The following PPCS variants were observed in gnomAD, a reference collection of about 807,000 sequenced individuals.
PPCS encodes phosphopantothenate--cysteine ligase.
Under a neutral mutation model 24.6 loss-of-function variants are expected in PPCS, and 17 were observed. The ratio of observed to expected loss-of-function variants is 0.69; its 90% CI spans 0.47 to 1.04. The LOEUF (loss-of-function observed/expected upper bound fraction) is 1.04. Ranked by LOEUF, PPCS falls within the 50% of genes least tolerant of loss-of-function variation. The probability of loss-of-function intolerance (pLI) is 0.00; values close to 1 mark genes in which losing one functional copy is unlikely to be tolerated. For synonymous variants in PPCS, 190 were observed against 168.3 expected, an observed-to-expected ratio of 1.13 and a Z score of -1.00; for missense variants, 360 against 402.8, an observed-to-expected ratio of 0.89 and a Z score of 0.91.
downstream of PPCS, chr1:42,463,395 G>A: frequency 6.6e-6 from 1 of 152,330 alleles, no homozygotes; most frequent in South Asian, 2.1e-4. Flanking sequence ...TTCCGACTTG[G>A]TTCTTGAGGT....
chr1:42,468,198 T>C (rs144935336), intron 2 of PPCS, among the ~76,000 whole-genome samples: 40 of 152,268 alleles, frequency 2.6e-4, no homozygotes, highest in Non-Finnish European at 5.3e-4. Flanking sequence ...AAGAAAGAAA[T>C]GTATTCCTCC....
chr1:42,473,206 T>C (rs947341113), exon 3 of PPCS: 37 of 1,231,012 alleles, frequency 3.0e-5, no homozygotes, highest in Middle Eastern at 3.1e-4. Flanking sequence ...ACAACTCTGT[T>C]TGGTGCTTAT....
At chr1:42,463,660 AG>A (rs1359664030), downstream of PPCS, 1 of 152,168 alleles carries the variant, frequency 6.6e-6, no homozygotes, top group East Asian at 1.9e-4. Context: ...TCAGCGAGGT[AG>A]GTCGGCGTTC....
chr1:42,462,573 G>T (rs1436947975), downstream of PPCS, among the ~76,000 whole-genome samples: 2 of 152,122 alleles, frequency 1.3e-5, no homozygotes, highest in Non-Finnish European at 2.9e-5. Context: ...GTTGTGTTTG[G>T]GATACCAGCA....
intron 2 of PPCS, among the ~76,000 whole-genome samples, chr1:42,468,947 A>T (rs553754999): frequency 6.6e-6 from 1 of 152,166 alleles, no homozygotes; most frequent in Non-Finnish European, 1.5e-5. Context: ...GGAGGAACCC[A>T]GGAAGCATAC....
chr1:42,459,619 T>G lies in PPCS; in HGVS notation c.629T>G (p.Val210Gly). 1.2e-6 allele frequency: 2 copies of G among 1,613,680 alleles called. No homozygotes were observed. The highest frequency in any genetic ancestry group is 1.7e-6 in the Non-Finnish European group (2 of 1,179,732). ...CCAATACAGATAACAATGAAGATGG[T>G]GCCAAAACTGCTTTCTCCTTTGGTT... is the stretch of plus-strand genomic sequence containing the variant. ...GGPLQITMKM[V>G]PKLLSPLVKD... The change falls in exon 3 of 3, where the codon GTG (valine) becomes GGG (glycine). Residue 210 changes from valine (V) to glycine (G), a missense_variant. Val to Gly is a moderately radical substitution (Grantham distance 109). Transcript: ENST00000372561.
chr1:42,456,509 A>G, upstream of PPCS: 1 of 1,429,146 alleles, frequency 7.0e-7, no homozygotes, highest in Non-Finnish European at 9.2e-7. Context: ...GGTAGGCGAG[A>G]AGGGGCGTGG....
chr1:42,459,821 G>A lies in PPCS; in HGVS notation c.831G>A (p.Lys277=). 6.2e-7 allele frequency: 1 copy of A among 1,614,184 alleles called. No individual in the cohort carries two copies. The highest frequency in any genetic ancestry group is 8.5e-7 in the Non-Finnish European group (1 of 1,180,020). Residue 277 remains lysine (K), a synonymous_variant, in exon 3 of 3, where the codon AAG becomes AAA. Coordinates refer to ENST00000372561, the MANE Select transcript of PPCS (RefSeq NM_024664.4). ...VFIVTKDSET[K]LLLSEEEIEK... is the part of the protein sequence containing the mutation. ...TTGTAACCAAAGACTCGGAAACCAA[G>A]TTATTGCTATCAGAGGAAGAAATAG...
rs114259891 is a variant in PPCS, at chr1:42,471,202, C to T, written n.378-1920C>T. 5.7e-3 allele frequency among the ~76,000 whole-genome samples: 868 copies of T among 152,152 alleles called. 2 individuals are homozygous for T. The highest frequency in any genetic ancestry group is 0.019 in the Admixed American group (285 of 15,282). On this transcript the variant is annotated intron_variant and non_coding_transcript_variant, in intron 2 of 2. Coordinates refer to the PPCS transcript ENST00000471420. ...TTGAGTATTGACCTGAAGCCTGTAC[C>T]GTCCTACTGATCAGCAAGGATCAGA...
chr1:42,456,982 G>T lies in PPCS; in HGVS notation c.417G>T (p.Ala139=). Residue 139 remains alanine, a synonymous_variant, in exon 1 of 3, where the codon GCG becomes GCT. Coordinates refer to ENST00000372561, the MANE Select transcript of PPCS (RefSeq NM_024664.4). ...CTCTGAGGAGCTACCAGGAGGCTGC[G>T]GCTGCAGGCACCTTCCTGGCAGTAG... is the stretch of plus-strand genomic sequence containing the variant. ...AEALRSYQEA[A]AAGTFLAVEF... 1 of 1,602,984 alleles carries T rather than the reference G, an allele frequency of 6.2e-7. No homozygotes were observed. Among genetic ancestry groups the T allele is most frequent in the Non-Finnish European group, 8.5e-7 (1 of 1,179,976 alleles).
chr1:42,457,399 G>T lies in PPCS; in HGVS notation c.612+49G>T, dbSNP rs560915769. 15 of 1,521,888 alleles carry T rather than the reference G, an allele frequency of 9.9e-6. No individual in the cohort carries two copies. The South Asian group carries it at 1.7e-4, about 17-fold the overall frequency. 94.3% of individuals were successfully genotyped at this position (1,521,888 alleles called of 1,614,324 possible). On this transcript the variant is annotated intron_variant, in intron 2 of 2. Coordinates refer to ENST00000372561, the MANE Select transcript of PPCS (RefSeq NM_024664.4). ...GATCTAATCCCATATAACCAATCTT[G>T]GGTTAATTTCCTCTTGATCTGGAGA...
At chr1:42,470,494 C>G (rs927336908) in intron 2 of PPCS, among the ~76,000 whole-genome samples, 1 of 152,138 alleles carries the variant, frequency 6.6e-6, no homozygotes, top group Non-Finnish European at 1.5e-5. Context: ...AACAGGGATT[C>G]AAATACTTTT....
downstream of PPCS, among the ~76,000 whole-genome samples, chr1:42,465,320 A>G (rs1215318016): frequency 1.3e-5 from 2 of 152,114 alleles, no homozygotes; most frequent in African/African-American, 4.8e-5. Flanking sequence ...CAAAAAAAAT[A>G]AATTCCTGTC....
exon 3 of PPCS, chr1:42,473,328 T>A: frequency 8.6e-7 from 1 of 1,165,124 alleles, no homozygotes; most frequent in Non-Finnish European, 1.1e-6. Flanking sequence ...CATAGAATTT[T>A]AAAGACACCT....
rs1164253511 is a variant in PPCS at position 42,460,948 on chromosome 1, C to G, written c.*1022C>G. ...CACTGCCCTGCTTAATCTTTGAATCCTTGAGAATCTTTGAAAAACTTTCAA... is the reference window on the plus strand; with the variant it reads ...CACTGCCCTGCTTAATCTTTGAATCGTTGAGAATCTTTGAAAAACTTTCAA... On this transcript the variant is annotated 3_prime_UTR_variant, in exon 3 of 3. Transcript: ENST00000372561. 2.0e-5 allele frequency among the ~76,000 whole-genome samples: 3 copies of G among 152,190 alleles called. No individual in the cohort carries two copies. Among genetic ancestry groups the G allele is most frequent in the Non-Finnish European group, 4.4e-5 (3 of 68,040 alleles).
intron 2 of PPCS, among the ~76,000 whole-genome samples, chr1:42,470,565 C>T (rs1253410852): frequency 6.6e-6 from 1 of 152,166 alleles, no homozygotes; most frequent in Non-Finnish European, 1.5e-5. Context: ...ACTCCAATGT[C>T]CATCAACAGG....
rs199853153 is a variant in PPCS, at chr1:42,459,986, C to CA, written c.*68dup. On this transcript the variant is annotated 3_prime_UTR_variant, in exon 3 of 3. Coordinates refer to ENST00000372561, the MANE Select transcript of PPCS (RefSeq NM_024664.4). The stretch of plus-strand genomic sequence containing the variant: ...GGGCTCTTAGAGATGGTGAAAACTA[C>CA]AAAAAAAACCATGGCTTTCATATGG... 1,799 of 1,503,774 alleles carry CA rather than the reference C, an allele frequency of 1.2e-3. 19 individuals carry two copies. The African/African-American group carries it at 0.022, about 19-fold the overall frequency. The allele number at this position is 1,503,774 out of a possible 1,614,324, so 93.2% of individuals were successfully genotyped here.
chr1:42,463,481 C>T (rs1375751680), downstream of PPCS: 3 of 152,308 alleles, frequency 2.0e-5, no homozygotes, highest in Non-Finnish European at 4.4e-5. Context: ...TGCTTCTCCC[C>T]AGTATGGTCC....
At position 42,459,839 on chromosome 1, in the gene PPCS, A is replaced by G. The variant is rs781766081; in HGVS notation, c.849A>G (p.Glu283=). 5.0e-6 allele frequency: 8 copies of G among 1,614,108 alleles called. No individual in the cohort carries two copies. The African/African-American group carries it at 9.3e-5, about 19-fold the overall frequency. The stretch of plus-strand genomic sequence containing the variant: ...AAACCAAGTTATTGCTATCAGAGGA[A>G]GAAATAGAAAAAGGCGTAGAGATAG... The part of the protein sequence containing the change: ...DSETKLLLSE[E]EIEKGVEIEE... Residue 283 remains glutamate, a synonymous_variant, in exon 3 of 3, where the codon GAA becomes GAG. Transcript: ENST00000372561.
Sources: gnomAD v4.1 joint callset for allele counts (sites outside exome capture counted in the v4.1 genomes callset) on GRCh38, gnomAD v4.1.1 for gene constraint, MANE v1.5 for transcripts, NCBI Gene and HGNC (gene_info 2026-07-23, HGNC 2026-07-21) for gene names.